Variants in NAV2 observed in about 807,000 individuals in gnomAD.
NAV2 encodes helicase, APC down-regulated 1.
Under a neutral mutation model 223.2 loss-of-function variants are expected in NAV2, and 54 were observed. That is an observed-to-expected ratio of 0.24 (90% CI 0.19 to 0.30). NAV2 has a LOEUF of 0.30. Among genes scored for constraint, NAV2 ranks in the 10% least tolerant of loss-of-function variants. The pLI is 1.00. For missense variants in NAV2, 2,806 were observed against 3,147.5 expected (o/e 0.89, Z 2.60); for synonymous variants, 1,279 against 1,239.3 (o/e 1.03, Z -0.67).
rs187206101 is a variant in NAV2 at position 19,480,024 on chromosome 11, T to C, written c.75+128997T>C. On this transcript the variant is annotated intron_variant, in intron 1 of 37. Transcript: ENST00000360655. ...CCTTTCATATACATATTGTCTATGA[T>C]TGCTTTTATGCTAGGACAGTAGAAC... Among the ~76,000 whole-genome samples the C allele has an allele frequency of 4.8e-4, 73 of 152,302 alleles. 1 individual carries two copies. Among genetic ancestry groups the C allele is most frequent in the African/African-American group, 1.6e-3 (67 of 41,574 alleles).
chr11:20,012,387 C>A (rs2153513700), intron 11 of NAV2, among the ~76,000 whole-genome samples: 1 of 152,290 alleles, frequency 6.6e-6, no homozygotes, highest in South Asian at 2.1e-4. Flanking sequence ...TAGAATCACC[C>A]ACTCATGGCC....
chr11:19,566,031 G>GATTTTATTTT (rs56221634), intron 1 of NAV2, among the ~76,000 whole-genome samples: 8,858 of 138,504 alleles, frequency 0.064, 409 homozygotes, highest in African/African-American at 0.1. Context: ...TATCCAAGGA[G>GATTTTATTTT]ATTTTATTTT....
chr11:20,083,089 C>T lies in NAV2; in HGVS notation c.5408C>T (p.Thr1803Met), dbSNP rs554606874. Reference sequence around the variant, plus strand: ...TCTCATTCAGATATTGAGGAGATGACGGATTCTTCTTTGCCTTCCTCACCA... The same window carrying T: ...TCTCATTCAGATATTGAGGAGATGATGGATTCTTCTTTGCCTTCCTCACCA... Reference protein sequence around the residue: ...ASSHSDIEEMTDSSLPSSPKL... With the variant: ...ASSHSDIEEMMDSSLPSSPKL... Residue 1803 changes from threonine (T) to methionine (M), a missense_variant, in exon 26 of 38, where the codon ACG (threonine) becomes ATG (methionine). Physicochemically the swap from Thr to Met is moderately conservative, Grantham distance 81 (BLOSUM62 -1). Coordinates refer to ENST00000349880, the MANE Select transcript of NAV2 (RefSeq NM_145117.5). 35 of 1,613,934 alleles carry T rather than the reference C, an allele frequency of 2.2e-5. No homozygotes were observed. Among genetic ancestry groups the T allele is most frequent in the Admixed American group, 6.7e-5 (4 of 60,000 alleles).
intron 1 of NAV2, among the ~76,000 whole-genome samples, chr11:19,436,709 G>A (rs1851229549): frequency 6.6e-6 from 1 of 152,112 alleles, no homozygotes; most frequent in African/African-American, 2.4e-5. Context: ...TCTACTTCAT[G>A]AACATAGGTT....
chr11:19,663,079 A>T (rs1308288065), intron 1 of NAV2, among the ~76,000 whole-genome samples: 5 of 151,922 alleles, frequency 3.3e-5, no homozygotes, highest in Admixed American at 3.3e-4. Flanking sequence ...TTTCCCCCCA[A>T]CCAGCCCATG....
At chr11:20,029,342 G>A (rs955999767) in intron 11 of NAV2, among the ~76,000 whole-genome samples, 1 of 152,172 alleles carries the variant, frequency 6.6e-6, no homozygotes, top group African/African-American at 2.4e-5. Context: ...CCTGGCTCTT[G>A]CTGTGTCCAT....
At chr11:19,682,557 T>C (rs1046736377) in intron 1 of NAV2, among the ~76,000 whole-genome samples, 2 of 152,156 alleles carry the variant, frequency 1.3e-5, no homozygotes, top group Non-Finnish European at 2.9e-5. Flanking sequence ...GGGTAATTCA[T>C]AAAGAAAAGA....
In NAV2 at chr11:20,080,046, C is replaced by T. The variant is rs747538969; in HGVS notation, c.5180-18C>T. 3.7e-6 allele frequency: 6 copies of T among 1,612,106 alleles called. No individual in the cohort carries two copies. The highest frequency in any genetic ancestry group is 2.2e-5 in the South Asian group (2 of 90,898). On this transcript the variant is annotated intron_variant, in intron 24 of 37. Coordinates refer to ENST00000349880, the MANE Select transcript of NAV2 (RefSeq NM_145117.5). ...GCTCAGGTTGGCAGCTGCTGAAACA[C>T]CCTGCCTTGGTCTCCAGGAAACGGC...
rs375226497 is a variant in NAV2 at position 19,840,594 on chromosome 11, C to T, written c.386-2277C>T. ...TTCTCAAAAGCTGCATATTTATTCT[C>T]TCCAATGTTGAGTGTCAAAATCCAA... is the stretch of plus-strand genomic sequence containing the variant. On this transcript the variant is annotated intron_variant, in intron 2 of 37. Coordinates refer to ENST00000349880, the MANE Select transcript of NAV2 (RefSeq NM_145117.5). Among the ~76,000 whole-genome samples the T allele has an allele frequency of 3.9e-5, 6 of 152,158 alleles. No individual in the cohort carries two copies. The South Asian group carries it at 1.0e-3, about 26-fold the overall frequency.
At chr11:19,453,623 C>T (rs770022052) in intron 1 of NAV2, among the ~76,000 whole-genome samples, 13 of 152,180 alleles carry the variant, frequency 8.5e-5, no homozygotes, top group East Asian at 5.8e-4. Flanking sequence ...GCCCCATCTG[C>T]TCCTGAACCT....
intron 9 of NAV2, among the ~76,000 whole-genome samples, chr11:19,947,570 A>G (rs1022159976): frequency 2.0e-5 from 3 of 152,196 alleles, no homozygotes; most frequent in Non-Finnish European, 1.5e-5. Flanking sequence ...ACAGGAGGGA[A>G]GACTTCAGTG....
chr11:19,849,758 A>G (rs1426615374), intron 3 of NAV2, among the ~76,000 whole-genome samples: 1 of 152,228 alleles, frequency 6.6e-6, no homozygotes, highest in African/African-American at 2.4e-5. Flanking sequence ...TCCATAGGCC[A>G]CTTAGAATTT....
chr11:19,834,074 A>G (rs1476487172), intron 2 of NAV2, among the ~76,000 whole-genome samples: 3 of 152,160 alleles, frequency 2.0e-5, no homozygotes, highest in South Asian at 4.2e-4. Context: ...AGGTCCCTAC[A>G]CTCAAAGGGG....
At chr11:19,992,406 A>G (rs2051428475) in intron 11 of NAV2, among the ~76,000 whole-genome samples, 1 of 152,186 alleles carries the variant, frequency 6.6e-6, no homozygotes, top group African/African-American at 2.4e-5. Flanking sequence ...TCTGCAGAGT[A>G]TCATTCTTGT....
intron 1 of NAV2, among the ~76,000 whole-genome samples, chr11:19,463,365 C>T (rs1253332412): frequency 1.3e-5 from 2 of 152,202 alleles, no homozygotes; most frequent in East Asian, 1.9e-4. Context: ...CTGGCCTACC[C>T]GTCTCCACTC....
intron 1 of NAV2, among the ~76,000 whole-genome samples, chr11:19,768,608 G>A (rs1419764028): frequency 2.6e-5 from 4 of 152,164 alleles, no homozygotes; most frequent in Non-Finnish European, 4.4e-5. Context: ...AGGCAGGCTA[G>A]TTCTATGTGG....
chr11:19,986,897 T>A (rs994353440), intron 11 of NAV2, among the ~76,000 whole-genome samples: 1 of 152,242 alleles, frequency 6.6e-6, no homozygotes, highest in East Asian at 1.9e-4. Context: ...TTTATGTAAA[T>A]CGCAAATTTA....
rs1276866948 is a variant in NAV2, at chr11:19,998,295, A to G, written c.2768+14048A>G. 2.1e-5 allele frequency among the ~76,000 whole-genome samples: 3 copies of G among 143,710 alleles called. No homozygotes were observed. Among genetic ancestry groups the G allele is most frequent in the African/African-American group, 7.9e-5 (3 of 37,908 alleles). The allele number at this position is 143,710 out of a possible 152,430, so 94.3% of individuals were successfully genotyped here. On this transcript the variant is annotated intron_variant, in intron 11 of 37. Coordinates refer to ENST00000349880, the MANE Select transcript of NAV2 (RefSeq NM_145117.5). The surrounding 1 kb of genome is among the most constrained non-coding windows in gnomAD (Gnocchi z 5.0). The stretch of plus-strand genomic sequence containing the variant: ...CTTCTCTCTCTCCCTCTCTCCGCCC[A>G]CCTCCCTCTCCTTCTCTCTCATTGG...
At chr11:20,014,090 C>A (rs1185482945) in intron 11 of NAV2, among the ~76,000 whole-genome samples, 1 of 152,160 alleles carries the variant, frequency 6.6e-6, no homozygotes, top group Admixed American at 6.5e-5. Flanking sequence ...AGATCAGAGT[C>A]CCCAACTGTT....
Sources: gnomAD v4.1 joint callset for allele counts (sites outside exome capture counted in the v4.1 genomes callset) on GRCh38, gnomAD v4.1.1 for gene constraint, Gnocchi (gnomAD v3.1) non-coding constraint, MANE v1.5 for transcripts, NCBI Gene and HGNC (gene_info 2026-07-23, HGNC 2026-07-21) for gene names.